The following JMJD1C variants were observed in gnomAD, a reference collection of about 807,000 sequenced individuals.
JMJD1C encodes the protein jumonji domain containing 1C.
A neutral mutation model predicts 245.3 loss-of-function variants in JMJD1C; 31 were observed. The observed-to-expected ratio is 0.13, with a 90% confidence interval of 0.09 to 0.17. The LOEUF (loss-of-function observed/expected upper bound fraction) is 0.17, where lower values mean the gene tolerates loss of function less well. Among genes scored for constraint, JMJD1C ranks in the 10% least tolerant of loss-of-function variants. JMJD1C has a pLI of 1.00. For missense variants in JMJD1C, 2,691 were observed against 3,000.2 expected (o/e 0.90, Z 2.41); for synonymous variants, 1,057 against 1,017.4 (o/e 1.04, Z -0.74).
intron 1 of JMJD1C, among the ~76,000 whole-genome samples, chr10:63,429,573 T>C (rs1379678808): frequency 1.3e-5 from 2 of 152,282 alleles, no homozygotes; most frequent in African/African-American, 2.4e-5. Context: ...CAATGTTACA[T>C]AGGCTTTGAG....
chr10:63,180,863 G>A (rs1040796966), intron 22 of JMJD1C, among the ~76,000 whole-genome samples: 2 of 151,420 alleles, frequency 1.3e-5, no homozygotes, highest in Admixed American at 1.3e-4. Flanking sequence ...CCGCCTCCCG[G>A]GTTCACGCCA....
chr10:63,520,559 G>C (rs969294138), intron 1 of JMJD1C, among the ~76,000 whole-genome samples: 5 of 146,294 alleles, frequency 3.4e-5, no homozygotes, highest in Non-Finnish European at 6.0e-5. Flanking sequence ...ATATTTGCAA[G>C]AACAGCAAGG....
intron 1 of JMJD1C, among the ~76,000 whole-genome samples, chr10:63,486,137 TAAAAAA>T (rs1166721473): frequency 2.9e-4 from 21 of 73,288 alleles, no homozygotes; most frequent in Admixed American, 2.6e-3. Flanking sequence ...CAAGCAATTG[TAAAAAA>T]AAAAAAAAAA....
chr10:63,375,431 A>G (rs571160924), intron 2 of JMJD1C, among the ~76,000 whole-genome samples: 2 of 152,276 alleles, frequency 1.3e-5, no homozygotes, highest in East Asian at 3.9e-4. Context: ...TAAATTACCT[A>G]GAAGATGAAA....
At position 63,409,422 on chromosome 10, in the gene JMJD1C, A is replaced by G. The variant is rs149719634; in HGVS notation, c.169-28940T>C. On this transcript the variant is annotated intron_variant, in intron 1 of 25. Coordinates refer to ENST00000399262, the MANE Select transcript of JMJD1C (RefSeq NM_032776.3). ...AGGTTTCCTATTTATGTGTTTCCTT[A>G]AAGCGGGGCAGGCATGTAGGAAGAG... is the stretch of plus-strand genomic sequence containing the variant. 5.3e-3 allele frequency among the ~76,000 whole-genome samples: 807 copies of G among 152,322 alleles called. 4 individuals carry two copies. Among genetic ancestry groups the G allele is most frequent in the Non-Finnish European group, 7.8e-3 (528 of 68,020 alleles).
chr10:63,236,030 T>C, intron 3 of JMJD1C, among the ~76,000 whole-genome samples: 1 of 152,350 alleles, frequency 6.6e-6, no homozygotes, highest in South Asian at 2.1e-4. Context: ...ATATAATTTA[T>C]GAAAATCCTC....
chr10:63,467,522 A>C (rs896101528), upstream of JMJD1C, among the ~76,000 whole-genome samples: 5 of 152,206 alleles, frequency 3.3e-5, no homozygotes, highest in African/African-American at 1.2e-4. Context: ...GAAAACAAAC[A>C]AACAAACAAA....
intron 2 of JMJD1C, among the ~76,000 whole-genome samples, chr10:63,318,844 T>C (rs896940288): frequency 2.0e-5 from 3 of 152,176 alleles, no homozygotes; most frequent in Admixed American, 2.0e-4. Context: ...CTTAAATGGG[T>C]CTGCTCATTT....
intron 2 of JMJD1C, among the ~76,000 whole-genome samples, chr10:63,310,916 A>G (rs1450488419): frequency 6.6e-6 from 1 of 152,200 alleles, no homozygotes; most frequent in Non-Finnish European, 1.5e-5. Context: ...ATACGATTTT[A>G]TATTTGGGGG....
At chr10:63,375,183 C>CTTTTTG (rs1946627557) in intron 2 of JMJD1C, among the ~76,000 whole-genome samples, 1 of 92,924 alleles carries the variant, frequency 1.1e-5, no homozygotes, top group Non-Finnish European at 2.0e-5. Flanking sequence ...TAAAAATTGG[C>CTTTTTG]TTTTTTTTTT....
chr10:63,299,433 C>A (rs1330743026), intron 2 of JMJD1C, among the ~76,000 whole-genome samples: 1 of 148,910 alleles, frequency 6.7e-6, no homozygotes, highest in Non-Finnish European at 1.5e-5. Context: ...CTCAAGTGAT[C>A]TGCCCACCTC....
intron 2 of JMJD1C, among the ~76,000 whole-genome samples, chr10:63,354,857 CAAAAAAAAA>C (rs148651978): frequency 1.4e-3 from 130 of 94,928 alleles, no homozygotes; most frequent in African/African-American, 4.7e-3. Flanking sequence ...TCTACTTTAA[CAAAAAAAAA>C]AAAAAAAAAA....
Position 63,207,512 on chromosome 10 carries a change from G to C in JMJD1C, c.4157C>G (p.Ser1386Cys). ...GGTATTACACATCGTATTTACAGCA[G>C]ACATGACTGAACTGGGAACACTGCC... is the stretch of plus-strand genomic sequence containing the variant. Reference protein sequence around the residue: ...SQGSVPSSVMSAVNTMCNTKT... With the variant: ...SQGSVPSSVMCAVNTMCNTKT... Residue 1386 changes from serine (S) to cysteine (C), a missense_variant, in exon 10 of 26, where the codon TCT becomes TGT. Around this residue, in one of 9 missense-constraint regions of JMJD1C, gnomAD observed 1,562 missense variants for 1,490.7 expected, o/e 1.05. Coordinates refer to ENST00000399262, the MANE Select transcript of JMJD1C (RefSeq NM_032776.3). 1 of 1,614,206 alleles carries C rather than the reference G, an allele frequency of 6.2e-7. No homozygotes were observed. The highest frequency in any genetic ancestry group is 1.1e-5 in the South Asian group (1 of 91,088).
At chr10:63,289,909 T>TA (rs1397733527) in intron 2 of JMJD1C, among the ~76,000 whole-genome samples, 20 of 152,094 alleles carry the variant, frequency 1.3e-4, no homozygotes, top group Admixed American at 1.1e-3. Flanking sequence ...GTACCCATGT[T>TA]ACTTATAAAA....
At chr10:63,489,342 G>C (rs1305171615) in intron 1 of JMJD1C, 1 of 152,568 alleles carries the variant, frequency 6.6e-6, no homozygotes, top group African/African-American at 2.4e-5. Context: ...AGAGGTTGCA[G>C]TGAGCCGAGA....
chr10:63,196,251 A>T (rs1451421360), intron 13 of JMJD1C, among the ~76,000 whole-genome samples: 1 of 152,064 alleles, frequency 6.6e-6, no homozygotes, highest in Non-Finnish European at 1.5e-5. Flanking sequence ...CTCAACAACA[A>T]CATCCAAAAA....
chr10:63,197,496 C>T lies in JMJD1C; in HGVS notation c.5559G>A (p.Leu1853=), dbSNP rs750284252. ...REMCDACEAT[L]FNIHWVCQKC... ...TTTGGCAGACCCAGTGAATGTTAAA[C>T]AATGTTGCTTCACATGCATCACACA... Residue 1853 remains leucine, a synonymous_variant, in exon 13 of 26, where the codon TTG becomes TTA. Transcript: ENST00000399262. The T allele has an allele frequency of 6.2e-7, 1 of 1,610,222 alleles. No individual in the cohort carries two copies. The highest frequency in any genetic ancestry group is 1.3e-5 in the African/African-American group (1 of 74,592).
intron 1 of JMJD1C, among the ~76,000 whole-genome samples, chr10:63,489,125 C>A (rs894021562): frequency 6.6e-6 from 1 of 152,094 alleles, no homozygotes; most frequent in African/African-American, 2.4e-5. Flanking sequence ...TGAGGCCGGG[C>A]GCAGTGGCTC....
rs368865910 is a variant in JMJD1C, at chr10:63,283,992, AAG to A, written c.334-19230_334-19229del. Among the ~76,000 whole-genome samples, 79 of 152,094 alleles carry A rather than the reference AAG, an allele frequency of 5.2e-4. No homozygotes were observed. The East Asian group carries it at 0.012, about 22-fold the overall frequency. The stretch of plus-strand genomic sequence containing the variant: ...AATGTCTGTGTACTTTGCTAGGAAA[AAG>A]AGAATTTTCTGTTTTCTTTTCTTCT... On this transcript the variant is annotated intron_variant, in intron 2 of 25. Coordinates refer to ENST00000399262, the MANE Select transcript of JMJD1C (RefSeq NM_032776.3).
Sources: gnomAD v4.1 joint callset for allele counts (sites outside exome capture counted in the v4.1 genomes callset) on GRCh38, gnomAD v4.1.1 for gene constraint, gnomAD v4.1.1 regional missense constraint, MANE v1.5 for transcripts, NCBI Gene and HGNC (gene_info 2026-07-23, HGNC 2026-07-21) for gene names.